Variants in XYLB observed in about 807,000 individuals in gnomAD.
XYLB encodes the protein xylulose kinase.
In XYLB, 62 loss-of-function variants were observed where a neutral mutation model predicts 78.7. That is an observed-to-expected ratio of 0.79 (90% CI 0.64 to 0.97). XYLB has a LOEUF of 0.97. Ranked by LOEUF, XYLB falls within the 50% of genes least tolerant of loss-of-function variation. The pLI is 0.00. For synonymous variants in XYLB, 245 were observed against 247.4 expected, an observed-to-expected ratio of 0.99 and a Z score of 0.09; for missense variants, 687 against 676.8, an observed-to-expected ratio of 1.02 and a Z score of -0.17.
At chr3:38,375,891 T>C (rs937112831) in intron 12 of XYLB, among the ~76,000 whole-genome samples, 1 of 152,172 alleles carries the variant, frequency 6.6e-6, no homozygotes, top group Non-Finnish European at 1.5e-5. Context: ...GCCTCCTGTG[T>C]AAACAGCCCA....
chr3:38,347,174 C>A (rs1705110665), intron 1 of XYLB, among the ~76,000 whole-genome samples: 1 of 152,216 alleles, frequency 6.6e-6, no homozygotes, highest in Non-Finnish European at 1.5e-5. Flanking sequence ...ACCCAGCTAC[C>A]CCAGGAAACT....
At chr3:38,391,254 T>C (rs1707643869) in intron 15 of XYLB, among the ~76,000 whole-genome samples, 1 of 151,620 alleles carries the variant, frequency 6.6e-6, no homozygotes, top group Admixed American at 6.6e-5. Context: ...AAAGAAGAAA[T>C]AGAACACTAG....
chr3:38,432,096 A>C, the XYLB span, among the ~76,000 whole-genome samples: 4 of 140,666 alleles, frequency 2.8e-5, no homozygotes, highest in East Asian at 6.4e-4. Flanking sequence ...GCCAAGCCAC[A>C]TCATTCCACC....
the XYLB span, among the ~76,000 whole-genome samples, chr3:38,437,974 G>T: frequency 6.6e-6 from 1 of 152,156 alleles, no homozygotes; most frequent in East Asian, 1.9e-4. Context: ...GGAGGCTGAG[G>T]CAGGAGAATT....
At chr3:38,374,279 G>C (rs1227535104) in intron 10 of XYLB, among the ~76,000 whole-genome samples, 183 bp from the exon 11 acceptor site, 3 of 152,070 alleles carry the variant, frequency 2.0e-5, no homozygotes, top group African/African-American at 7.2e-5. Context: ...TTCACCCCGT[G>C]ACCCCTATGA....
the XYLB span, among the ~76,000 whole-genome samples, chr3:38,433,445 G>T: frequency 6.6e-6 from 1 of 152,230 alleles, no homozygotes; most frequent in Non-Finnish European, 1.5e-5. Flanking sequence ...TTTCTCCTCA[G>T]AAAATTGGTT....
the XYLB span, among the ~76,000 whole-genome samples, chr3:38,435,834 C>T: frequency 1.3e-5 from 2 of 151,910 alleles, no homozygotes; most frequent in African/African-American, 2.4e-5. Flanking sequence ...ACAACATGCT[C>T]CTGAACGACA....
intron 14 of XYLB, 121 bp downstream of exon 14, chr3:38,377,112 A>G (rs1433034417): frequency 5.6e-6 from 5 of 888,808 alleles, no homozygotes; most frequent in African/African-American, 1.7e-5. Flanking sequence ...CATTAATATC[A>G]TACACACTTG....
intron 12 of XYLB, among the ~76,000 whole-genome samples, chr3:38,375,606 G>A (rs1168990364): frequency 6.6e-6 from 1 of 152,116 alleles, no homozygotes; most frequent in East Asian, 1.9e-4. Context: ...CATTGTTACT[G>A]TGACCCGTCT....
chr3:38,380,376 G>A (rs1707088810), intron 15 of XYLB, among the ~76,000 whole-genome samples: 2 of 152,154 alleles, frequency 1.3e-5, no homozygotes, highest in African/African-American at 2.4e-5. Flanking sequence ...GGTGGCGTTG[G>A]AATGGTCTAA....
At chr3:38,374,127 T>G (rs1050869176) in intron 10 of XYLB, among the ~76,000 whole-genome samples, 2 of 152,182 alleles carry the variant, frequency 1.3e-5, no homozygotes, top group African/African-American at 4.8e-5. Flanking sequence ...GCCTTTGTCT[T>G]TCTTTGCTGT....
chr3:38,397,247 AC>A, intron 17 of XYLB, 88 bp downstream of exon 17: 1 of 1,269,280 alleles, frequency 7.9e-7, no homozygotes. Context: ...AGTGAGGTGT[AC>A]CCAGTCTTTG....
intron 2 of XYLB, among the ~76,000 whole-genome samples, chr3:38,354,607 A>G (rs894930241): frequency 6.6e-6 from 1 of 151,912 alleles, no homozygotes; most frequent in Non-Finnish European, 1.5e-5. Flanking sequence ...GGTTCAAGCA[A>G]TTCTCCTGTC....
the XYLB span, chr3:38,452,760 T>C: frequency 6.6e-6 from 1 of 152,146 alleles, no homozygotes; most frequent in Non-Finnish European, 1.5e-5. Flanking sequence ...TAATATTTTG[T>C]TTGACTAGGT....
intron 9 of XYLB, 29 bp downstream of exon 9, chr3:38,370,203 AT>A: frequency 6.5e-7 from 1 of 1,540,842 alleles, no homozygotes; most frequent in Non-Finnish European, 9.0e-7. Context: ...GATGTGGCTC[AT>A]TTAAGAGCTG....
intron 14 of XYLB, among the ~76,000 whole-genome samples, chr3:38,377,772 G>A (rs902189622): frequency 6.6e-6 from 1 of 152,126 alleles, no homozygotes; most frequent in Non-Finnish European, 1.5e-5. Flanking sequence ...AGGCACTATT[G>A]TTCCTCTTTC....
At chr3:38,401,009 T>A (rs547958270) in intron 18 of XYLB, 24 bp downstream of exon 18, 287 of 1,609,150 alleles carry the variant, frequency 1.8e-4, no homozygotes, top group Non-Finnish European at 2.4e-4. Context: ...GGAATTTGTT[T>A]GTAGCATTTG....
intron 2 of XYLB, among the ~76,000 whole-genome samples, chr3:38,352,906 CTTTTCACTG>C (rs570502697): frequency 1.6e-4 from 25 of 152,254 alleles, no homozygotes; most frequent in African/African-American, 5.8e-4. Context: ...GGGATTAAGA[CTTTTCACTG>C]TTATATGGGG....
chr3:38,395,487 T>A lies in XYLB; in HGVS notation c.1292-18T>A, dbSNP rs1225953172. 6.2e-7 allele frequency: 1 copy of A among 1,613,976 alleles called. No individual in the cohort carries two copies. The highest frequency in any genetic ancestry group is 8.5e-7 in the Non-Finnish European group (1 of 1,179,960). On this transcript the variant is annotated intron_variant, in intron 15 of 18. Coordinates refer to ENST00000207870, the MANE Select transcript of XYLB (RefSeq NM_005108.4). Reference sequence around the variant, plus strand: ...GAGAACTGGCATAGCTATTTTACTTTTTTCTTTTCCCTTGCAGTGTCCAAG... The same window carrying A: ...GAGAACTGGCATAGCTATTTTACTTATTTCTTTTCCCTTGCAGTGTCCAAG...
Sources: gnomAD v4.1 joint callset for allele counts (sites outside exome capture counted in the v4.1 genomes callset) on GRCh38, gnomAD v4.1.1 for gene constraint, MANE v1.5 for transcripts, NCBI Gene and HGNC (gene_info 2026-07-23, HGNC 2026-07-21) for gene names.